Variants in L3MBTL4 observed in about 807,000 individuals in gnomAD.
The protein encoded by L3MBTL4 is lethal(3)malignant brain tumor-like protein 4.
Under a neutral mutation model 84.5 loss-of-function variants are expected in L3MBTL4, and 70 were observed. That is an observed-to-expected ratio of 0.83 (90% CI 0.68 to 1.01). The LOEUF (loss-of-function observed/expected upper bound fraction) is 1.01. Among genes scored for constraint, L3MBTL4 ranks in the 50% least tolerant of loss-of-function variants. The probability of loss-of-function intolerance (pLI) is 0.00; values close to 1 mark genes in which losing one functional copy is unlikely to be tolerated. For synonymous variants in L3MBTL4, 274 were observed against 259.8 expected, an observed-to-expected ratio of 1.05 and a Z score of -0.52; for missense variants, 715 against 754.8, an observed-to-expected ratio of 0.95 and a Z score of 0.62.
chr18:6,336,463 G>A (rs1156382004), intron 1 of L3MBTL4, among the ~76,000 whole-genome samples: 1 of 152,134 alleles, frequency 6.6e-6, no homozygotes, highest in African/African-American at 2.4e-5. Flanking sequence ...ACATTATAAT[G>A]CAAAGTAGAG....
intron 1 of L3MBTL4, among the ~76,000 whole-genome samples, chr18:6,398,182 CA>C (rs2055355413): frequency 6.6e-6 from 1 of 152,078 alleles, no homozygotes; most frequent in Non-Finnish European, 1.5e-5. Flanking sequence ...ACTCCAAAAA[CA>C]AAAAGAAAAA....
chr18:6,381,322 C>T (rs1467731160), intron 1 of L3MBTL4, among the ~76,000 whole-genome samples: 1 of 152,112 alleles, frequency 6.6e-6, no homozygotes, highest in East Asian at 1.9e-4. Context: ...GGGCATTTAG[C>T]CCATTTACAT....
chr18:6,251,807 G>T (rs982330408), intron 5 of L3MBTL4, among the ~76,000 whole-genome samples: 1 of 152,150 alleles, frequency 6.6e-6, no homozygotes, highest in Non-Finnish European at 1.5e-5. Context: ...GTGCCAAGGG[G>T]AGTCTATAAA....
At chr18:6,164,159 G>C (rs1374613349) in intron 13 of L3MBTL4, among the ~76,000 whole-genome samples, 1 of 152,244 alleles carries the variant, frequency 6.6e-6, no homozygotes, top group Non-Finnish European at 1.5e-5. Context: ...GCAGAGGCTT[G>C]AGTAGGTAAA....
At chr18:6,401,807 T>C (rs1213353344) in intron 1 of L3MBTL4, among the ~76,000 whole-genome samples, 1 of 152,030 alleles carries the variant, frequency 6.6e-6, no homozygotes, top group Non-Finnish European at 1.5e-5. Context: ...ACAAAGGCAT[T>C]AAGAAATGTA....
At chr18:6,236,086 A>G (rs1420357940) in intron 10 of L3MBTL4, among the ~76,000 whole-genome samples, 1 of 152,184 alleles carries the variant, frequency 6.6e-6, no homozygotes, top group Non-Finnish European at 1.5e-5. Flanking sequence ...GAAATTCACA[A>G]GTTAATTCTA....
intron 16 of L3MBTL4, among the ~76,000 whole-genome samples, chr18:6,015,036 G>T (rs2054901359): frequency 6.6e-6 from 1 of 152,040 alleles, no homozygotes; most frequent in Admixed American, 6.5e-5. Context: ...GGGGAGGTTT[G>T]CGGGGAGGAA....
chr18:6,042,215 C>T (rs1568023555), intron 16 of L3MBTL4, among the ~76,000 whole-genome samples: 1 of 152,120 alleles, frequency 6.6e-6, no homozygotes, highest in East Asian at 1.9e-4. Flanking sequence ...AAGGTTAATC[C>T]CATCTCTTGA....
chr18:6,034,399 T>C (rs2145640682), intron 16 of L3MBTL4, among the ~76,000 whole-genome samples: 1 of 152,276 alleles, frequency 6.6e-6, no homozygotes, highest in Non-Finnish European at 1.5e-5. Flanking sequence ...TATGCGGTGT[T>C]TGGTTTTTTG....
intron 3 of L3MBTL4, among the ~76,000 whole-genome samples, chr18:6,310,804 G>A (rs1194939319): frequency 6.6e-6 from 1 of 152,234 alleles, no homozygotes; most frequent in African/African-American, 2.4e-5. Context: ...TACAGGCATA[G>A]TGAACATTAT....
At chr18:6,110,513 G>A (rs566843310) in intron 14 of L3MBTL4, among the ~76,000 whole-genome samples, 1 of 134,622 alleles carries the variant, frequency 7.4e-6, no homozygotes, top group South Asian at 2.4e-4. Context: ...CACGTGTGCG[G>A]GGTGTGTGGC....
chr18:6,141,747 C>T (rs565627655), intron 13 of L3MBTL4, among the ~76,000 whole-genome samples: 6 of 152,158 alleles, frequency 3.9e-5, no homozygotes, highest in Admixed American at 6.5e-5. Flanking sequence ...TGAAGAATTG[C>T]GATAGCCATT....
chr18:6,243,344 T>C lies in L3MBTL4; in HGVS notation c.410A>G (p.His137Arg), dbSNP rs769352890. ...GGTCTTTTCACACCATCCTACTGGA[T>C]GAATGTCAGGGGAACCAGCATTGGT... is the stretch of plus-strand genomic sequence containing the variant. ...FWTNAGSPDI[H>R]PVGWCEKTKH... Residue 137 changes from histidine to arginine, a missense_variant, in exon 7 of 19, where the codon CAT becomes CGT. Coordinates refer to ENST00000317931, the MANE Select transcript of L3MBTL4 (RefSeq NM_001330559.2). The C allele has an allele frequency of 1.9e-6, 3 of 1,606,638 alleles. No individual in the cohort carries two copies. The highest frequency in any genetic ancestry group is 1.1e-5 in the South Asian group (1 of 88,732).
intron 1 of L3MBTL4, among the ~76,000 whole-genome samples, chr18:6,371,247 C>T (rs993046771): frequency 6.6e-6 from 1 of 152,180 alleles, no homozygotes; most frequent in Non-Finnish European, 1.5e-5. Flanking sequence ...TATGGCTTGC[C>T]ACCCCCTGGC....
At chr18:6,266,373 A>AAT (rs2048633325) in intron 4 of L3MBTL4, among the ~76,000 whole-genome samples, 2 of 152,048 alleles carry the variant, frequency 1.3e-5, no homozygotes, top group Admixed American at 1.3e-4. Context: ...ACTTAGCTAT[A>AAT]CACACACACA....
At chr18:6,029,365 T>C (rs1045514826) in intron 16 of L3MBTL4, 9 of 727,878 alleles carry the variant, frequency 1.2e-5, no homozygotes, top group Non-Finnish European at 1.3e-5. Flanking sequence ...TAAAGAACTT[T>C]CAATAGGTAA....
At chr18:6,375,300 A>G (rs1385907961) in intron 1 of L3MBTL4, among the ~76,000 whole-genome samples, 2 of 151,974 alleles carry the variant, frequency 1.3e-5, no homozygotes, top group East Asian at 3.9e-4. Flanking sequence ...CCCTAAGGAT[A>G]AAGTCCAGGC....
At chr18:6,347,969 A>C (rs2052997957) in intron 1 of L3MBTL4, among the ~76,000 whole-genome samples, 1 of 152,080 alleles carries the variant, frequency 6.6e-6, no homozygotes, top group Non-Finnish European at 1.5e-5. Context: ...TAATAAATAC[A>C]AGATCCATAC....
intron 12 of L3MBTL4, among the ~76,000 whole-genome samples, chr18:6,196,470 A>G (rs138013912): frequency 7.4e-4 from 112 of 152,198 alleles, no homozygotes; most frequent in Admixed American, 1.7e-3. Context: ...AGTTCCTCTT[A>G]AATACAACCC....
Sources: gnomAD v4.1 joint callset for allele counts (sites outside exome capture counted in the v4.1 genomes callset) on GRCh38, gnomAD v4.1.1 for gene constraint, MANE v1.5 for transcripts, NCBI Gene and HGNC (gene_info 2026-07-23, HGNC 2026-07-21) for gene names.